Variants in FAP observed in about 807,000 individuals in gnomAD.
FAP encodes prolyl endopeptidase FAP.
In FAP, 110 loss-of-function variants were observed where a neutral mutation model predicts 126.5. The ratio of observed to expected loss-of-function variants is 0.87; its 90% CI spans 0.74 to 1.02. FAP has a LOEUF of 1.02. Among genes scored for constraint, FAP ranks in the 50% least tolerant of loss-of-function variants. The pLI, the probability that FAP is intolerant of heterozygous loss-of-function variation, is 0.00. For synonymous variants in FAP, 334 were observed against 297.3 expected (o/e 1.12, Z -1.27); for missense variants, 919 against 909.2 (o/e 1.01, Z -0.14).
chr2:162,225,476 T>G lies in FAP; in HGVS notation c.285+7A>C, dbSNP rs867064481. On this transcript the variant is annotated splice_region_variant and intron_variant, in intron 4 of 25. Coordinates refer to ENST00000188790, the MANE Select transcript of FAP (RefSeq NM_004460.5). The stretch of plus-strand genomic sequence containing the variant: ...TTCTGAGGGGGAAGATGATGTTGGA[T>G]ACATACCATGGTTCTATTACTCAAA... 4 of 1,595,860 alleles carry G rather than the reference T, an allele frequency of 2.5e-6. No individual in the cohort carries two copies. Among genetic ancestry groups the G allele is most frequent in the South Asian group, 1.1e-5 (1 of 89,268 alleles).
chr2:162,200,414 T>TTATACTAATGTAG (rs56732199), intron 15 of FAP, 152 bp downstream of exon 15: 2 of 567,006 alleles, frequency 3.5e-6, no homozygotes, highest in African/African-American at 4.0e-5. Context: ...TGTGTGTTTT[T>TTATACTAATGTAG]TATACCCATT....
chr2:162,242,900 G>C lies in FAP; in HGVS notation c.91+8C>G. On this transcript the variant is annotated splice_region_variant and intron_variant, in intron 2 of 25. Transcript: ENST00000188790. ...AGGCAGATAGAGCAAATCAGAGAAA[G>C]TTCTTACCTCTTGAAGGGCGTAAGA... 3.1e-6 allele frequency: 5 copies of C among 1,608,270 alleles called. No individual in the cohort carries two copies. Among genetic ancestry groups the C allele is most frequent in the Non-Finnish European group, 4.3e-6 (5 of 1,175,424 alleles).
At chr2:162,198,185 T>C (rs1022786579) in intron 16 of FAP, 1 of 1,287,794 alleles carries the variant, frequency 7.8e-7, no homozygotes, top group African/African-American at 1.5e-5. Context: ...TTACGATGTT[T>C]TCCAAATTTA....
chr2:162,240,964 G>A (rs924741901), intron 2 of FAP, among the ~76,000 whole-genome samples: 2 of 152,112 alleles, frequency 1.3e-5, no homozygotes, highest in East Asian at 1.9e-4. Flanking sequence ...AGGCCACCAC[G>A]CCTAACTTCA....
chr2:162,221,067 T>C lies in FAP; in HGVS notation c.414-1142A>G, dbSNP rs867893607. Reference sequence around the variant, plus strand: ...GCCTTGATGTAACTTTTTAGGTGCCTGCATGAGACCTAGCAAGTAGCAAGG... The same window carrying C: ...GCCTTGATGTAACTTTTTAGGTGCCCGCATGAGACCTAGCAAGTAGCAAGG... On this transcript the variant is annotated intron_variant, in intron 6 of 25. Coordinates refer to ENST00000188790, the MANE Select transcript of FAP (RefSeq NM_004460.5). 1.1e-4 allele frequency among the ~76,000 whole-genome samples: 17 copies of C among 152,320 alleles called. No homozygotes were observed. The South Asian group carries it at 1.5e-3, about 13-fold the overall frequency.
At chr2:162,197,303 C>T (rs1559771333) in intron 16 of FAP, among the ~76,000 whole-genome samples, 1 of 152,116 alleles carries the variant, frequency 6.6e-6, no homozygotes, top group Non-Finnish European at 1.5e-5. Context: ...TAGCCCCTGC[C>T]TTCCAGGAGA....
intron 3 of FAP, 129 bp from the exon 4 acceptor site, chr2:162,225,706 T>C: frequency 5.7e-6 from 5 of 881,274 alleles, no homozygotes; most frequent in Non-Finnish European, 7.9e-6. Flanking sequence ...TATTGCTTTG[T>C]GATATGTAAA....
At chr2:162,200,438 C>T in intron 15 of FAP, 128 bp downstream of exon 15, 1 of 592,406 alleles carries the variant, frequency 1.7e-6, no homozygotes. Flanking sequence ...CAAATGTTTT[C>T]TCTAAATTCA....
chr2:162,224,922 C>T (rs10439290), intron 4 of FAP, among the ~76,000 whole-genome samples: 20,640 of 152,018 alleles, frequency 0.14, 3,239 homozygotes, highest in African/African-American at 0.36. Flanking sequence ...AACTTGGTTT[C>T]AAAAGAATAG....
chr2:162,221,828 G>C, intron 6 of FAP: 1 of 436,822 alleles, frequency 2.3e-6, no homozygotes, highest in Non-Finnish European at 4.6e-6. Context: ...TTTTCTCTAT[G>C]CTAGATTTTT....
intron 2 of FAP, among the ~76,000 whole-genome samples, chr2:162,227,121 A>T (rs984750595): frequency 8.5e-5 from 13 of 152,178 alleles, no homozygotes; most frequent in African/African-American, 3.1e-4. Flanking sequence ...TTAGCATCCC[A>T]GTTGGTCAAA....
chr2:162,231,257 G>A (rs1486794287), intron 2 of FAP, among the ~76,000 whole-genome samples: 1 of 152,070 alleles, frequency 6.6e-6, no homozygotes, highest in Non-Finnish European at 1.5e-5. Flanking sequence ...TATCTCCACA[G>A]CATCAAATAC....
rs777904006 is a variant in FAP, at chr2:162,226,625, TG to T, written c.92-5del. On this transcript the variant is annotated splice_polypyrimidine_tract_variant and splice_region_variant and intron_variant, in intron 2 of 25. Coordinates refer to ENST00000188790, the MANE Select transcript of FAP (RefSeq NM_004460.5). ...GTATTTTCTTCAGAGTTATGAACTTTGGGGGAAGAGCAAATACATCCTTATT... is the reference window on the plus strand; with the variant it reads ...GTATTTTCTTCAGAGTTATGAACTTTGGGGAAGAGCAAATACATCCTTATT... The T allele has an allele frequency of 1.7e-5, 25 of 1,513,190 alleles. No homozygotes were observed. The African/African-American group carries it at 3.0e-4, about 18-fold the overall frequency. 93.7% of individuals were successfully genotyped at this position (1,513,190 alleles called of 1,614,324 possible).
intron 21 of FAP, chr2:162,175,865 T>G (rs1339615180): frequency 6.6e-6 from 1 of 152,156 alleles, no homozygotes; most frequent in Non-Finnish European, 1.5e-5. Context: ...AAACATGCTG[T>G]GAGAGAGGTG....
At chr2:162,219,981 T>A (rs907938734) in intron 6 of FAP, 56 bp from the exon 7 acceptor site, 53 of 1,168,946 alleles carry the variant, frequency 4.5e-5, no homozygotes, top group Non-Finnish European at 6.4e-5. Context: ...TGCAAAAAAA[T>A]AATAATCTGT....
Position 162,210,047 on chromosome 2 carries a change from C to A in FAP, c.1003-51G>T, listed in dbSNP as rs542145935. ...CATAGTATTAGGAGAACATTTTTTT[C>A]CTAAATGTAATCTGGACATTTGGAA... On this transcript the variant is annotated intron_variant, in intron 11 of 25. Transcript: ENST00000188790. 5.7e-5 allele frequency: 87 copies of A among 1,527,388 alleles called. No homozygotes were observed. In the East Asian group the frequency reaches 1.9e-3, roughly 33 times the overall value. 94.6% of individuals were successfully genotyped at this position (1,527,388 alleles called of 1,614,324 possible).
At chr2:162,221,267 G>T (rs1689383445) in intron 6 of FAP, among the ~76,000 whole-genome samples, 1 of 152,040 alleles carries the variant, frequency 6.6e-6, no homozygotes, top group Non-Finnish European at 1.5e-5. Context: ...AGGCCTGGCC[G>T]GCTCGCTCAC....
At chr2:162,174,370 C>G (rs1687412675) in intron 22 of FAP, among the ~76,000 whole-genome samples, 1 of 152,048 alleles carries the variant, frequency 6.6e-6, no homozygotes, top group South Asian at 2.1e-4. Context: ...ATTAGAATTC[C>G]TTCCAAATAA....
intron 20 of FAP, among the ~76,000 whole-genome samples, chr2:162,184,347 G>A (rs1321825741): frequency 6.6e-6 from 1 of 152,164 alleles, no homozygotes; most frequent in Non-Finnish European, 1.5e-5. Flanking sequence ...CACAGTCCCA[G>A]AAAAATACTA....
Sources: allele counts gnomAD v4.1 joint callset (sites outside exome capture counted in the v4.1 genomes callset), GRCh38; gene constraint gnomAD v4.1.1; transcripts MANE v1.5; gene names NCBI Gene and HGNC (gene_info 2026-07-23, HGNC 2026-07-21).